Variants in CUX1 observed in about 807,000 individuals in gnomAD.
CUX1 encodes the protein cut like homeobox 1, also known as protein CASP.
In CUX1, 31 loss-of-function variants were observed where a neutral mutation model predicts 158.8. That is an observed-to-expected ratio of 0.20 (90% CI 0.15 to 0.26). The LOEUF (loss-of-function observed/expected upper bound fraction) is 0.26, where lower values mean the gene tolerates loss of function less well. CUX1 is among the 10% of genes least tolerant of loss of function. CUX1 has a pLI of 1.00. For missense variants in CUX1, 1,589 were observed against 2,014.6 expected (o/e 0.79, Z 4.04); for synonymous variants, 879 against 862.1 (o/e 1.02, Z -0.34).
chr7:102,060,183 C>T (rs890964478), intron 3 of CUX1, among the ~76,000 whole-genome samples: 1 of 151,700 alleles, frequency 6.6e-6, no homozygotes, highest in Non-Finnish European at 1.5e-5. Context: ...GAGGCTCAGG[C>T]GGGAGAATGG....
chr7:101,923,531 T>C (rs1455756816), intron 2 of CUX1, among the ~76,000 whole-genome samples: 1 of 152,186 alleles, frequency 6.6e-6, no homozygotes, highest in Non-Finnish European at 1.5e-5. Context: ...TTAATTTTTG[T>C]CTCCTCTAAA....
intron 3 of CUX1, among the ~76,000 whole-genome samples, chr7:102,050,347 C>T (rs966676278): frequency 3.3e-5 from 5 of 152,150 alleles, no homozygotes; most frequent in East Asian, 1.9e-4. Flanking sequence ...TTATAGGATC[C>T]TCTAGGTCCT....
chr7:102,165,463 A>G (rs557235293), intron 9 of CUX1, among the ~76,000 whole-genome samples: 1 of 145,310 alleles, frequency 6.9e-6, no homozygotes, highest in South Asian at 2.1e-4. Context: ...AGCAATTCTC[A>G]TGCCAATTCT....
At chr7:102,169,646 C>T (rs1406821694) in intron 9 of CUX1, among the ~76,000 whole-genome samples, 62 of 152,228 alleles carry the variant, frequency 4.1e-4, no homozygotes, top group Non-Finnish European at 2.9e-5. Flanking sequence ...GGTAACTTGC[C>T]ATGGTATGTC....
chr7:101,858,953 G>A (rs1325142356), intron 1 of CUX1, among the ~76,000 whole-genome samples: 1 of 152,152 alleles, frequency 6.6e-6, no homozygotes, highest in East Asian at 1.9e-4. Flanking sequence ...TCACAAGAAA[G>A]TCTTCCCTTC....
At chr7:102,267,900 TCCAGCGATGCTA>T (rs146097548) in intron 14 of CUX1, among the ~76,000 whole-genome samples, 111,281 of 151,788 alleles carry the variant, frequency 0.73, 41,343 homozygotes, top group African/African-American at 0.85. Context: ...ACACCTGAGC[TCCAGCGATGCTA>T]CCACCTCTGC....
chr7:102,189,138 G>A (rs1273073909), intron 11 of CUX1, among the ~76,000 whole-genome samples: 1 of 152,120 alleles, frequency 6.6e-6, no homozygotes, highest in African/African-American at 2.4e-5. Context: ...CAATACAAAA[G>A]GGCTGTGTCT....
rs1168610262 is a variant in CUX1 at position 101,821,681 on chromosome 7, T to C, written c.30+4012T>C. ...CTTTTTTTCTTTTTTCTTTTTTTTT[T>C]TTTTTTTTTTTTTTTTGAGACGTGG... On this transcript the variant is annotated intron_variant, in intron 1 of 23. Transcript: ENST00000292535. Among the ~76,000 whole-genome samples, 14 of 108,460 alleles carry C rather than the reference T, an allele frequency of 1.3e-4. 1 individual carries two copies. Among genetic ancestry groups the C allele is most frequent in the African/African-American group, 2.6e-4 (7 of 27,166 alleles). The allele number at this position is 108,460 out of a possible 152,430, so 71.2% of individuals were successfully genotyped here. A position where few individuals can be genotyped will look rare whatever the true frequency, so the allele number is the denominator to read the frequency against.
chr7:102,093,608 G>A (rs1333513937), intron 4 of CUX1, among the ~76,000 whole-genome samples: 1 of 152,188 alleles, frequency 6.6e-6, no homozygotes, highest in Non-Finnish European at 1.5e-5. Flanking sequence ...GGCTCCGCCA[G>A]CCTCTGACTG....
chr7:101,827,960 A>G (rs1206138663), intron 1 of CUX1, among the ~76,000 whole-genome samples: 3 of 146,048 alleles, frequency 2.1e-5, no homozygotes, highest in Non-Finnish European at 4.5e-5. Flanking sequence ...AGCAGGCCCA[A>G]TTGGTATAAC....
chr7:102,217,555 A>C (rs1426055263), intron 20 of CUX1, among the ~76,000 whole-genome samples: 2 of 152,128 alleles, frequency 1.3e-5, no homozygotes, highest in African/African-American at 4.8e-5. Context: ...CCATCCCCAG[A>C]GGGAGGGAGG....
At chr7:102,159,168 G>C (rs1181796221) in intron 9 of CUX1, among the ~76,000 whole-genome samples, 2 of 146,974 alleles carry the variant, frequency 1.4e-5, no homozygotes, top group Non-Finnish European at 3.0e-5. Context: ...TCACCACGGT[G>C]TTATCCTCGG....
At chr7:102,152,237 G>A (rs1211121870) in intron 8 of CUX1, among the ~76,000 whole-genome samples, 2 of 152,078 alleles carry the variant, frequency 1.3e-5, no homozygotes, top group East Asian at 3.9e-4. Context: ...ATAAGTCCCA[G>A]CTACTCAAGA....
chr7:101,966,354 G>A (rs958127596), intron 2 of CUX1, among the ~76,000 whole-genome samples: 1 of 150,272 alleles, frequency 6.7e-6, no homozygotes, highest in Non-Finnish European at 1.5e-5. Context: ...TTCACACTGA[G>A]ATATTTCTGG....
intron 2 of CUX1, among the ~76,000 whole-genome samples, chr7:101,954,266 G>T (rs906555592): frequency 4.6e-5 from 7 of 152,134 alleles, no homozygotes; most frequent in Admixed American, 4.6e-4. Context: ...TGAGGTTGGG[G>T]GATAGCCCAG....
chr7:101,996,115 A>G (rs1397793358), intron 2 of CUX1, among the ~76,000 whole-genome samples: 6 of 151,964 alleles, frequency 3.9e-5, no homozygotes, highest in African/African-American at 1.4e-4. Flanking sequence ...TCCATCCAAA[A>G]AAAAAAAAGA....
intron 4 of CUX1, among the ~76,000 whole-genome samples, chr7:102,073,680 CCATGTA>C (rs1762232245): frequency 6.6e-6 from 1 of 152,164 alleles, no homozygotes; most frequent in South Asian, 2.1e-4. Flanking sequence ...CCAACCTTGT[CCATGTA>C]CATGTACAAA....
At chr7:102,085,489 C>G (rs1827868085) in intron 4 of CUX1, among the ~76,000 whole-genome samples, 1 of 152,166 alleles carries the variant, frequency 6.6e-6, no homozygotes, top group South Asian at 2.1e-4. Context: ...CTCACAAGAT[C>G]TGATGGTTTT....
intron 1 of CUX1, among the ~76,000 whole-genome samples, chr7:101,893,803 A>T (rs188950461): frequency 4.9e-4 from 74 of 152,360 alleles, no homozygotes; most frequent in Middle Eastern, 6.8e-3. Context: ...GATAATTTCT[A>T]TGTAGATAAT....
Sources: gnomAD v4.1 joint callset for allele counts (sites outside exome capture counted in the v4.1 genomes callset) on GRCh38, gnomAD v4.1.1 for gene constraint, MANE v1.5 for transcripts, NCBI Gene and HGNC (gene_info 2026-07-23, HGNC 2026-07-21) for gene names.